DIDO1: variants seen among roughly 807,000 people sequenced by gnomAD.
DIDO1 encodes the protein death-inducer obliterator 1.
A neutral mutation model predicts 99.4 loss-of-function variants in DIDO1; 16 were observed. The observed-to-expected ratio is 0.16, with a 90% CI of 0.11 to 0.24. The LOEUF (loss-of-function observed/expected upper bound fraction) is 0.24, where lower values mean the gene tolerates loss of function less well. DIDO1 is among the 10% of genes least tolerant of loss of function. The pLI, the probability that DIDO1 is intolerant of heterozygous loss-of-function variation, is 1.00. For missense variants in DIDO1, 2,996 were observed against 3,014.0 expected (o/e 0.99, Z 0.14); for synonymous variants, 1,366 against 1,239.1 (o/e 1.10, Z -2.15).
At chr20:62,927,066 C>T (rs1251723394), upstream of DIDO1, among the ~76,000 whole-genome samples, 1 of 149,746 alleles carries the variant, frequency 6.7e-6, no homozygotes, top group Non-Finnish European at 1.5e-5. Flanking sequence ...ACCCTACCTG[C>T]TGCCTCCCCA....
chr20:62,879,438 C>T lies in DIDO1; in HGVS notation c.6518G>A (p.Arg2173Gln), dbSNP rs766490328. 2 of 1,549,784 alleles carry T rather than the reference C, an allele frequency of 1.3e-6. No individual in the cohort carries two copies. Among genetic ancestry groups the T allele is most frequent in the Non-Finnish European group, 1.7e-6 (2 of 1,153,080 alleles). Residue 2173 changes from arginine to glutamine, a missense_variant, in exon 16 of 16, where the codon CGG (arginine) becomes CAG (glutamine). Arg to Gln is a conservative substitution (Grantham distance 43). Transcript: ENST00000395343. The surrounding 1 kb of genome is among the most constrained non-coding windows in gnomAD (Gnocchi z 6.3). ...GCGCTCTCGGTTCCTGCTCCGCTCC[C>T]GGCTGCGGTCCCACTCCTTGCCCCG... The part of the protein sequence containing the change: ...ADRGKEWDRS[R>Q]ERSRNRERER...
At chr20:62,919,547 GAAA>G (rs961675959) in intron 1 of DIDO1, among the ~76,000 whole-genome samples, 4 of 139,308 alleles carry the variant, frequency 2.9e-5, no homozygotes, top group Admixed American at 7.1e-5. Flanking sequence ...TCTCAAAGAA[GAAA>G]AAAAAAAAGC....
chr20:62,892,163 C>A, intron 13 of DIDO1, 87 bp from the exon 14 acceptor site: 1 of 1,054,910 alleles, frequency 9.5e-7, no homozygotes, highest in South Asian at 1.6e-5. Context: ...ACACACTACC[C>A]AAGATTCAAG....
At chr20:62,928,510 ATCCC>A (rs1247323922), upstream of DIDO1, 1 of 152,194 alleles carries the variant, frequency 6.6e-6, no homozygotes, top group Non-Finnish European at 1.5e-5. Flanking sequence ...AGTCAGCTTT[ATCCC>A]AGCTTACCTG....
chr20:62,896,476 C>T lies in DIDO1; in HGVS notation c.2054+55G>A. On this transcript the variant is annotated intron_variant, in intron 7 of 15. Coordinates refer to ENST00000395343, the MANE Select transcript of DIDO1 (RefSeq NM_001193369.2). The surrounding 1 kb of genome is among the most constrained non-coding windows in gnomAD (Gnocchi z 4.4). ...ACAGTGAGGCAATCCTGCAGCCACA[C>T]TCTAATGAAAGCCCTTCCATTTTAA... 6.3e-7 allele frequency: 1 copy of T among 1,585,634 alleles called. No individual in the cohort carries two copies. Among genetic ancestry groups the T allele is most frequent in the African/African-American group, 1.4e-5 (1 of 73,100 alleles).
At chr20:62,909,376 G>C (rs1052531213) in intron 4 of DIDO1, among the ~76,000 whole-genome samples, 1 of 152,202 alleles carries the variant, frequency 6.6e-6, no homozygotes, top group African/African-American at 2.4e-5. Context: ...GAGGCAGCTG[G>C]AGACAGCAGG....
chr20:62,896,679 C>T lies in DIDO1; in HGVS notation c.1906G>A (p.Gly636Arg), dbSNP rs768264475. 1.9e-6 allele frequency: 3 copies of T among 1,614,044 alleles called. No homozygotes were observed. Among genetic ancestry groups the T allele is most frequent in the South Asian group, 1.1e-5 (1 of 91,084 alleles). ...GGTACCACTGGCTTCCTTACGGCTCCCACCAAAGCAGCGGAGCCAGGGAAC... is the reference window on the plus strand; with the variant it reads ...GGTACCACTGGCTTCCTTACGGCTCTCACCAAAGCAGCGGAGCCAGGGAAC... ...KKFPGSAALV[G>R]AVRKPVVPSV... Residue 636 changes from glycine to arginine, a missense_variant, in exon 7 of 16, where the codon GGA (glycine) becomes AGA (arginine). Gly to Arg is a moderately radical substitution (Grantham distance 125). Coordinates refer to ENST00000395343, the MANE Select transcript of DIDO1 (RefSeq NM_001193369.2). This position sits in a 1 kb window ranked among gnomAD's most constrained non-coding sequence, Gnocchi z 4.4.
chr20:62,900,455 C>T (rs1460084500), intron 6 of DIDO1, among the ~76,000 whole-genome samples: 1 of 152,184 alleles, frequency 6.6e-6, no homozygotes, highest in Non-Finnish European at 1.5e-5. Context: ...TGAGCAGAGA[C>T]GGGGAGGAGA....
At chr20:62,924,776 A>G (rs903399487) in intron 1 of DIDO1, among the ~76,000 whole-genome samples, 4 of 152,056 alleles carry the variant, frequency 2.6e-5, no homozygotes, top group African/African-American at 9.7e-5. Context: ...GTCAATCACA[A>G]ATTATCTTAT....
intron 12 of DIDO1, among the ~76,000 whole-genome samples, chr20:62,893,200 C>CT: frequency 6.6e-6 from 1 of 152,048 alleles, no homozygotes; most frequent in Non-Finnish European, 1.5e-5. Flanking sequence ...TAATTTTTGT[C>CT]TTTTTTGTAG....
In DIDO1 at chr20:62,896,251, C is replaced by A. The variant is rs1568847588; in HGVS notation, c.2196G>T (p.Leu732=). 2 of 1,613,180 alleles carry A rather than the reference C, an allele frequency of 1.2e-6. No homozygotes were observed. The highest frequency in any genetic ancestry group is 1.7e-6 in the Non-Finnish European group (2 of 1,179,790). The change falls in exon 8 of 16, where the codon CTG becomes CTT. Residue 732 remains leucine (L), a synonymous_variant. Transcript: ENST00000395343. This position sits in a 1 kb window ranked among gnomAD's most constrained non-coding sequence, Gnocchi z 4.4. The stretch of plus-strand genomic sequence containing the variant: ...CACACACCTGATTTTTAGGGTCCTT[C>A]AGGTTGAACATGATGCTGCGATATT... ...KSKYRSIMFN[L]KDPKNQGLFH...
intron 12 of DIDO1, 103 bp from the exon 13 acceptor site, chr20:62,893,065 C>CTCAAA: frequency 7.7e-7 from 1 of 1,306,952 alleles, no homozygotes; most frequent in Non-Finnish European, 1.0e-6. Flanking sequence ...CTCATTCTGT[C>CTCAAA]ATGCAGGCTG....
chr20:62,896,665 CT>C lies in DIDO1; in HGVS notation c.1919del (p.Lys640SerfsTer20), dbSNP rs2064532449. 6.2e-7 allele frequency: 1 copy of C among 1,613,992 alleles called. No individual in the cohort carries two copies. The highest frequency in any genetic ancestry group is 8.5e-7 in the Non-Finnish European group (1 of 1,180,022). ...CCATTGGAACAGAAGGTACCACTGGCTTCCTTACGGCTCCCACCAAAGCAGC... is the reference window on the plus strand; with the variant it reads ...CCATTGGAACAGAAGGTACCACTGGCTCCTTACGGCTCCCACCAAAGCAGC... Reference protein sequence around the residue: ...GSAALVGAVRKPVVPSVPMAS... With the variant: ...GSAALVGAVRXPVVPSVPMAS... On this transcript the variant is annotated frameshift_variant, in exon 7 of 16. Coordinates refer to ENST00000395343, the MANE Select transcript of DIDO1 (RefSeq NM_001193369.2). LOFTEE classifies it high-confidence loss of function. The surrounding 1 kb of genome is among the most constrained non-coding windows in gnomAD (Gnocchi z 4.4).
intron 1 of DIDO1, among the ~76,000 whole-genome samples, chr20:62,922,767 G>A (rs1364906202): frequency 6.6e-6 from 1 of 152,224 alleles, no homozygotes; most frequent in Non-Finnish European, 1.5e-5. Context: ...TCTTAGGCGA[G>A]TCTATTTGTC....
Position 62,911,654 on chromosome 20 carries a change from C to G in DIDO1, c.-2-40G>C. 6.7e-7 allele frequency: 1 copy of G among 1,497,202 alleles called. No homozygotes were observed. The highest frequency in any genetic ancestry group is 8.9e-7 in the Non-Finnish European group (1 of 1,120,544). The allele number at this position is 1,497,202 out of a possible 1,614,324, so 92.7% of individuals were successfully genotyped here. A position where few individuals can be genotyped will look rare whatever the true frequency, so the allele number is the denominator to read the frequency against. On this transcript the variant is annotated intron_variant, in intron 2 of 15. Coordinates refer to ENST00000395343, the MANE Select transcript of DIDO1 (RefSeq NM_001193369.2). The surrounding 1 kb of genome is among the most constrained non-coding windows in gnomAD (Gnocchi z 7.0). ...TAAGCACATAGTGACCAACTGACCA[C>G]AGAACAAAAGGTGACATTGCCGCCA...
chr20:62,890,391 C>T (rs2064373298), intron 15 of DIDO1: 8 of 986,960 alleles, frequency 8.1e-6, no homozygotes, highest in Admixed American at 6.0e-5. Context: ...TGTAAATAAT[C>T]GTTTAAATAC....
chr20:62,937,345 C>T (rs2065400523), intron 1 of DIDO1, among the ~76,000 whole-genome samples: 1 of 151,276 alleles, frequency 6.6e-6, no homozygotes, highest in South Asian at 2.1e-4. Flanking sequence ...TACCCAAGTG[C>T]GGCCTCAACC....
Position 62,909,699 on chromosome 20 carries a change from A to C in DIDO1, c.1161T>G (p.Pro387=). 1 of 1,612,524 alleles carries C rather than the reference A, an allele frequency of 6.2e-7. No homozygotes were observed. Residue 387 remains proline, a splice_region_variant and synonymous_variant, in exon 4 of 16, where the codon CCT becomes CCG. Coordinates refer to ENST00000395343, the MANE Select transcript of DIDO1 (RefSeq NM_001193369.2). ...SGKKKLKIFQ[P]VIEAPGASKC... ...CTCGTCTCAGCGGACAAACACTTAC[A>C]GGCTGGAAGATCTTGAGTTTCTTCT...
In DIDO1 at chr20:62,880,745, G is replaced by A. The variant is rs2064186558; in HGVS notation, c.5211C>T (p.Pro1737=). The A allele has an allele frequency of 3.1e-6, 5 of 1,612,728 alleles. No homozygotes were observed. Among genetic ancestry groups the A allele is most frequent in the Non-Finnish European group, 4.2e-6 (5 of 1,179,894 alleles). ...ARPGEGTAPL[P]PPGQKVGGSQ... is the part of the protein sequence containing the mutation. Reference sequence around the variant, plus strand: ...AGCCCCCCACTTTCTGTCCTGGTGGGGGGAGCGGGGCGGTGCCCTCGCCGG... The same window carrying A: ...AGCCCCCCACTTTCTGTCCTGGTGGAGGGAGCGGGGCGGTGCCCTCGCCGG... Residue 1737 remains proline (P), a synonymous_variant, in exon 16 of 16, where the codon CCC becomes CCT. Coordinates refer to ENST00000395343, the MANE Select transcript of DIDO1 (RefSeq NM_001193369.2).
Sources: gnomAD v4.1 joint callset for allele counts (sites outside exome capture counted in the v4.1 genomes callset) on GRCh38, gnomAD v4.1.1 for gene constraint, Gnocchi (gnomAD v3.1) non-coding constraint, MANE v1.5 for transcripts, NCBI Gene and HGNC (gene_info 2026-07-23, HGNC 2026-07-21) for gene names.